The following NBPF8 variants were observed in gnomAD, a reference collection of about 807,000 sequenced individuals.
NBPF8 encodes NBPF family member NBPF8.
chr1:120,450,378 T>C (rs1339526062), intron 11 of NBPF8, among the ~76,000 whole-genome samples: 13 of 151,868 alleles, frequency 8.6e-5, no homozygotes, highest in Non-Finnish European at 1.8e-4. Flanking sequence ...CAGTGCAGTG[T>C]ACAGAGCAGG....
chr1:120,463,060 A>C (rs1240377536), intron 21 of NBPF8, 94 bp downstream of exon 19: 34 of 649,630 alleles, frequency 5.2e-5, no homozygotes, highest in Middle Eastern at 8.1e-4. Flanking sequence ...GACCCGAGAG[A>C]TGTCATTGCC....
intron 11 of NBPF8, among the ~76,000 whole-genome samples, chr1:120,450,030 C>A (rs587693726): frequency 6.6e-6 from 1 of 152,178 alleles, no homozygotes; most frequent in Admixed American, 6.5e-5. Flanking sequence ...AGTTTGGGAC[C>A]AGCCTGGGCA....
intron 2 of NBPF8, among the ~76,000 whole-genome samples, chr1:120,426,207 CG>C (rs1241941272): frequency 6.7e-6 from 1 of 150,268 alleles, no homozygotes; most frequent in Non-Finnish European, 1.5e-5. Flanking sequence ...TGGCTGTCAG[CG>C]GGGAGACAGT....
downstream of NBPF8, among the ~76,000 whole-genome samples, chr1:120,468,624 C>T (rs1254686695): frequency 6.7e-6 from 1 of 149,176 alleles, no homozygotes; most frequent in Non-Finnish European, 1.5e-5. Flanking sequence ...AGGATACTTC[C>T]ATGGTCCGTG....
chr1:120,418,381 A>G (rs1553245561), upstream of NBPF8, among the ~76,000 whole-genome samples: 2 of 85,994 alleles, frequency 2.3e-5, no homozygotes, highest in Non-Finnish European at 4.2e-5. Flanking sequence ...AATTTTTACA[A>G]TCTTCCTGTC....
At chr1:120,456,084 T>G (rs1478215074) in intron 16 of NBPF8, among the ~76,000 whole-genome samples, 11 of 151,940 alleles carry the variant, frequency 7.2e-5, no homozygotes, top group Non-Finnish European at 1.5e-4. Context: ...CGGTTTTGAG[T>G]GAGTTTCTTA....
At chr1:120,454,108 A>T in exon 15 of NBPF8, 1 of 1,612,870 alleles carries the variant, frequency 6.2e-7, no homozygotes, top group Non-Finnish European at 8.5e-7. Context: ...TGTACACATT[A>T]TTCCAGGTAG....
chr1:120,450,249 A>C (rs1661227639), intron 11 of NBPF8, among the ~76,000 whole-genome samples: 1 of 151,680 alleles, frequency 6.6e-6, no homozygotes, highest in East Asian at 1.9e-4. Context: ...ATAATGATAA[A>C]TAAAAATAAG....
At chr1:120,421,228 G>A (rs1201568853) in intron 1 of NBPF8, among the ~76,000 whole-genome samples, 7 of 152,222 alleles carry the variant, frequency 4.6e-5, no homozygotes, top group African/African-American at 1.7e-4. Context: ...CATGGAAACA[G>A]TATATAGTTT....
upstream of NBPF8, among the ~76,000 whole-genome samples, chr1:120,417,764 T>C (rs1217170754): frequency 7.1e-6 from 1 of 140,822 alleles, no homozygotes; most frequent in African/African-American, 2.8e-5. Flanking sequence ...CATGCCTGGC[T>C]TAATTTTCAT....
chr1:120,466,127 T>A, exon 25 of NBPF8: 1 of 1,610,830 alleles, frequency 6.2e-7, no homozygotes, highest in East Asian at 2.2e-5. Context: ...GAACAGCACA[T>A]CAGCTTTGCC....
At chr1:120,467,922 T>TAGTC (rs1313967808), downstream of NBPF8, among the ~76,000 whole-genome samples, 2 of 151,824 alleles carry the variant, frequency 1.3e-5, no homozygotes, top group Non-Finnish European at 2.9e-5. Flanking sequence ...TTCTTGGTTC[T>TAGTC]AGTCATTTGT....
chr1:120,449,325 A>C (rs1270067149), exon 11 of NBPF8: 1 of 1,611,148 alleles, frequency 6.2e-7, no homozygotes, highest in Non-Finnish European at 8.5e-7. Flanking sequence ...GAGAAGAAAC[A>C]GCAGTTCAGA....
chr1:120,436,416 C>T (rs1661079347), exon 1 of NBPF8: 1 of 1,228,512 alleles, frequency 8.1e-7, no homozygotes, highest in Non-Finnish European at 1.2e-6. Flanking sequence ...ACTGACATCC[C>T]TCAGTCCTGA....
chr1:120,468,104 T>TAA (rs1661794691), downstream of NBPF8, among the ~76,000 whole-genome samples: 1 of 151,366 alleles, frequency 6.6e-6, no homozygotes, highest in South Asian at 2.1e-4. Context: ...TTTTAAATTA[T>TAA]AACTTTCAGC....
chr1:120,422,947 C>T (rs1218337497), intron 1 of NBPF8, among the ~76,000 whole-genome samples: 1 of 70,318 alleles, frequency 1.4e-5, no homozygotes, highest in Non-Finnish European at 2.5e-5. Flanking sequence ...ATGAGGTGTT[C>T]AGATCTTTCA....
chr1:120,416,667 A>G (rs1660445457), upstream of NBPF8, among the ~76,000 whole-genome samples: 1 of 146,942 alleles, frequency 6.8e-6, no homozygotes, highest in Non-Finnish European at 1.5e-5. Context: ...GAACCACCAC[A>G]GATCAAGAAA....
At chr1:120,416,854 A>G (rs1440338530), upstream of NBPF8, among the ~76,000 whole-genome samples, 4 of 150,068 alleles carry the variant, frequency 2.7e-5, no homozygotes, top group Non-Finnish European at 5.9e-5. Flanking sequence ...GTTAAAAATT[A>G]TTTTGCCATT....
downstream of NBPF8, among the ~76,000 whole-genome samples, chr1:120,469,672 CCTAA>C (rs1661862810): frequency 1.3e-5 from 2 of 150,732 alleles, no homozygotes; most frequent in Non-Finnish European, 1.5e-5. Context: ...GAACACTTTA[CCTAA>C]CTCTGTGTCA....
Sources: allele counts gnomAD v4.1 joint callset (sites outside exome capture counted in the v4.1 genomes callset), GRCh38; gene constraint gnomAD v4.1.1; transcripts MANE v1.5; gene names NCBI Gene and HGNC (gene_info 2026-07-23, HGNC 2026-07-21).